Variants in ZNF131 observed in about 807,000 individuals in gnomAD.
ZNF131 encodes the protein zinc finger protein 131.
ZNF131 carries 7 observed loss-of-function variants against 60.0 expected under a neutral mutation model. That is an observed-to-expected ratio of 0.12 (90% confidence interval 0.07 to 0.22). The LOEUF (loss-of-function observed/expected upper bound fraction) is 0.22. ZNF131 is among the 10% of genes least tolerant of loss of function. The pLI is 1.00. For missense variants in ZNF131, 493 were observed against 740.9 expected (o/e 0.67, Z 3.88); for synonymous variants, 257 against 253.2 (o/e 1.01, Z -0.14).
Position 43,123,153 on chromosome 5 carries a change from T to C in ZNF131, c.125-56T>C, listed in dbSNP as rs2291632. 14,988 of 1,392,008 alleles carry C rather than the reference T, an allele frequency of 0.011. 829 individuals are homozygous for C. The East Asian group carries it at 0.17, about 16-fold the overall frequency. 86.2% of individuals were successfully genotyped at this position (1,392,008 alleles called of 1,614,324 possible). The stretch of plus-strand genomic sequence containing the variant: ...GATTTTTAAGTCTATTTTGTAGTTA[T>C]ACATTTGATTTTCGTGCTTGTGTAT... On this transcript the variant is annotated intron_variant, in intron 2 of 6. Coordinates refer to ENST00000682664, the MANE Select transcript of ZNF131 (RefSeq NM_001330707.2).
At chr5:43,129,776 T>C (rs1229857739) in intron 3 of ZNF131, among the ~76,000 whole-genome samples, 1 of 152,100 alleles carries the variant, frequency 6.6e-6, no homozygotes, top group African/African-American at 2.4e-5. Flanking sequence ...TGCCTCAGCC[T>C]CCCCAGTGGC....
At chr5:43,124,757 A>G in intron 3 of ZNF131, 1 of 152,190 alleles carries the variant, frequency 6.6e-6, no homozygotes, top group East Asian at 1.9e-4. Flanking sequence ...GATTATAAAG[A>G]CTAATTGCGA....
chr5:43,130,786 G>A lies in ZNF131; in HGVS notation c.226+7476G>A, dbSNP rs531187780. Among the ~76,000 whole-genome samples the A allele has an allele frequency of 1.2e-4, 19 of 152,002 alleles. No homozygotes were observed. In the South Asian group the frequency reaches 1.9e-3, roughly 15 times the overall value. On this transcript the variant is annotated intron_variant, in intron 3 of 6. Coordinates refer to ENST00000682664, the MANE Select transcript of ZNF131 (RefSeq NM_001330707.2). ...TCTCCATGTTGGTCAGGCTGATCTC[G>A]AACTCCCGATCTCAGATGATCCACC...
intron 4 of ZNF131, among the ~76,000 whole-genome samples, chr5:43,156,382 A>G (rs1489050799): frequency 1.3e-5 from 2 of 152,216 alleles, no homozygotes; most frequent in African/African-American, 4.8e-5. Flanking sequence ...CCCTTTGGGA[A>G]TAGGGAGAAT....
In ZNF131 at chr5:43,161,454, G is replaced by A. The variant is rs1040078418; in HGVS notation, c.577G>A (p.Ala193Thr). The A allele has an allele frequency of 7.4e-6, 12 of 1,614,250 alleles. No individual in the cohort carries two copies. The highest frequency in any genetic ancestry group is 9.3e-6 in the Non-Finnish European group (11 of 1,180,034). The change falls in exon 5 of 7, where the codon GCC (alanine) becomes ACC (threonine). Residue 193 changes from alanine (A) to threonine (T), a missense_variant. Transcript: ENST00000682664. ...GIETLEEVAS[A>T]KQSVKYIQST... Reference sequence around the variant, plus strand: ...CGAAACATTAGAGGAAGTGGCTTCTGCCAAGCAGTCCGTAAAGTACATACA... The same window carrying A: ...CGAAACATTAGAGGAAGTGGCTTCTACCAAGCAGTCCGTAAAGTACATACA...
intron 3 of ZNF131, 100 bp from the exon 4 acceptor site, chr5:43,139,065 T>C (rs1446782869): frequency 1.9e-6 from 2 of 1,043,220 alleles, no homozygotes; most frequent in Non-Finnish European, 2.6e-6. Flanking sequence ...CAAAAATAAA[T>C]ACTCAACAAG....
At chr5:43,170,638 T>C (rs1274663785) in intron 5 of ZNF131, among the ~76,000 whole-genome samples, 5 of 150,854 alleles carry the variant, frequency 3.3e-5, no homozygotes, top group East Asian at 3.9e-4. Flanking sequence ...TTGTCCCCTT[T>C]TTTTTTTTTT....
intron 5 of ZNF131, among the ~76,000 whole-genome samples, chr5:43,168,315 A>G (rs1482643257): frequency 6.6e-6 from 1 of 152,230 alleles, no homozygotes; most frequent in East Asian, 1.9e-4. Context: ...AAAAGGAGTT[A>G]GCCTCGAAAC....
intron 4 of ZNF131, among the ~76,000 whole-genome samples, chr5:43,160,678 C>CTTTTGTTTTT (rs1749571640): frequency 1.1e-5 from 1 of 93,032 alleles, no homozygotes; most frequent in East Asian, 3.9e-4. Context: ...TAGCTTGGAA[C>CTTTTGTTTTT]TTTTTTTTTT....
intron 4 of ZNF131, among the ~76,000 whole-genome samples, chr5:43,152,403 A>G (rs1561423848): frequency 6.6e-6 from 1 of 152,168 alleles, no homozygotes; most frequent in African/African-American, 2.4e-5. Flanking sequence ...GTAGTGGAGC[A>G]TGGTGTTTTG....
intron 3 of ZNF131, chr5:43,124,905 C>G (rs1407419985): frequency 6.6e-6 from 1 of 150,408 alleles, no homozygotes; most frequent in Non-Finnish European, 1.5e-5. Flanking sequence ...TGGCACATGC[C>G]TGTGGTCCCA....
chr5:43,121,244 A>G (rs1178744093), intron 1 of ZNF131, 121 bp downstream of exon 1: 2 of 152,836 alleles, frequency 1.3e-5, no homozygotes, highest in Non-Finnish European at 2.9e-5. Context: ...CGGGTCGGGA[A>G]GTGTCCGCCC....
At chr5:43,123,155 C>T (rs1308911356) in intron 2 of ZNF131, 54 bp from the exon 3 acceptor site, 8 of 1,396,102 alleles carry the variant, frequency 5.7e-6, no homozygotes, top group Middle Eastern at 2.1e-4. Context: ...TGTAGTTATA[C>T]ATTTGATTTT....
chr5:43,161,588 T>C lies in ZNF131; in HGVS notation c.711T>C (p.Ser237=). Reference sequence around the variant, plus strand: ...AGATTAAAGAAGATGGCTGTCCATCTGACCCCACGAGCAAACAGGTAGAAG... The same window carrying C: ...AGATTAAAGAAGATGGCTGTCCATCCGACCCCACGAGCAAACAGGTAGAAG... ...KGQIKEDGCP[S]DPTSKQVEGI... is the part of the protein sequence containing the mutation. The change falls in exon 5 of 7, where the codon TCT becomes TCC. Residue 237 remains serine (S), a synonymous_variant. Coordinates refer to ENST00000682664, the MANE Select transcript of ZNF131 (RefSeq NM_001330707.2). 1.9e-6 allele frequency: 3 copies of C among 1,614,264 alleles called. 1 individual carries two copies. The highest frequency in any genetic ancestry group is 2.5e-6 in the Non-Finnish European group (3 of 1,180,046).
At chr5:43,125,816 A>G (rs1744478332) in intron 3 of ZNF131, among the ~76,000 whole-genome samples, 1 of 152,046 alleles carries the variant, frequency 6.6e-6, no homozygotes, top group African/African-American at 2.4e-5. Context: ...CCAAGCTGGA[A>G]TATTTGTTGC....
At chr5:43,132,671 C>T (rs145649468) in intron 3 of ZNF131, among the ~76,000 whole-genome samples, 96 of 152,080 alleles carry the variant, frequency 6.3e-4, no homozygotes, top group South Asian at 1.2e-3. Flanking sequence ...TAACCACACC[C>T]GGCTAATTTT....
At chr5:43,128,832 C>T (rs1744929986) in intron 3 of ZNF131, among the ~76,000 whole-genome samples, 4 of 151,978 alleles carry the variant, frequency 2.6e-5, no homozygotes, top group African/African-American at 9.7e-5. Flanking sequence ...CTCATTGCAA[C>T]CTTGACCTCC....
At chr5:43,159,952 A>G (rs1016362164) in intron 4 of ZNF131, among the ~76,000 whole-genome samples, 7 of 152,254 alleles carry the variant, frequency 4.6e-5, no homozygotes, top group Admixed American at 1.3e-4. Flanking sequence ...CAAGGCGGGC[A>G]GATCACAAGG....
At chr5:43,144,373 C>A (rs1305214165) in intron 4 of ZNF131, among the ~76,000 whole-genome samples, 1 of 149,986 alleles carries the variant, frequency 6.7e-6, no homozygotes, top group East Asian at 2.0e-4. Context: ...GGATTATAGG[C>A]GCTCACCACC....
Sources: gnomAD v4.1 joint callset for allele counts (sites outside exome capture counted in the v4.1 genomes callset) on GRCh38, gnomAD v4.1.1 for gene constraint, MANE v1.5 for transcripts, NCBI Gene and HGNC (gene_info 2026-07-23, HGNC 2026-07-21) for gene names.